SLC30A8: variants seen among roughly 807,000 people sequenced by gnomAD.
SLC30A8 encodes the protein proton-coupled zinc antiporter SLC30A8.
A neutral mutation model predicts 36.9 loss-of-function variants in SLC30A8; 27 were observed. The ratio of observed to expected loss-of-function variants is 0.73; its 90% confidence interval spans 0.54 to 1.01. The LOEUF (loss-of-function observed/expected upper bound fraction) is 1.01, where lower values mean the gene tolerates loss of function less well. SLC30A8 is among the 50% of genes least tolerant of loss of function. The pLI is 0.00. For missense variants in SLC30A8, 439 were observed against 452.0 expected (o/e 0.97, Z 0.26); for synonymous variants, 164 against 172.4 (o/e 0.95, Z 0.38).
At chr8:116,995,601 C>G (rs987465562) in intron 1 of SLC30A8, among the ~76,000 whole-genome samples, 2 of 151,980 alleles carry the variant, frequency 1.3e-5, no homozygotes, top group African/African-American at 4.8e-5. Context: ...ACTATGTGAA[C>G]AGAGCCCAAA....
rs1821296207 is a variant in SLC30A8, at chr8:117,135,059, C to G, written c.-269C>G. ...AATCAGATATCATATGAAAGACATA[C>G]ACACTTCATGTAATGCTACCTGCAA... On this transcript the variant is annotated 5_prime_UTR_variant, in exon 1 of 8. Coordinates refer to ENST00000456015, the MANE Select transcript of SLC30A8 (RefSeq NM_173851.3). 1 of 306,428 alleles carries G rather than the reference C, an allele frequency of 3.3e-6. No individual in the cohort carries two copies. The highest frequency in any genetic ancestry group is 5.0e-5 in the Admixed American group (1 of 20,176). The allele number at this position is 306,428 out of a possible 1,614,324, so 19.0% of individuals were successfully genotyped here.
At chr8:116,992,167 TAAC>T (rs1209974163) in intron 1 of SLC30A8, among the ~76,000 whole-genome samples, 1 of 152,106 alleles carries the variant, frequency 6.6e-6, no homozygotes, top group Non-Finnish European at 1.5e-5. Context: ...GGTTCAAAAA[TAAC>T]AAGGTGACAA....
chr8:117,169,066 T>G (rs1437369296), intron 6 of SLC30A8, among the ~76,000 whole-genome samples: 1 of 152,118 alleles, frequency 6.6e-6, no homozygotes. Context: ...TTATGACAAT[T>G]TTACCCATGA....
intron 1 of SLC30A8, among the ~76,000 whole-genome samples, chr8:117,036,738 C>T (rs766810444): frequency 1.6e-4 from 25 of 152,136 alleles, no homozygotes; most frequent in African/African-American, 3.6e-4. Flanking sequence ...CACCTCCCAC[C>T]GGGTCCCTCT....
At chr8:117,143,704 A>ACACAC (rs1349442131) in intron 1 of SLC30A8, among the ~76,000 whole-genome samples, 1 of 148,562 alleles carries the variant, frequency 6.7e-6, no homozygotes, top group Non-Finnish European at 1.5e-5. Context: ...ACACTCACAC[A>ACACAC]TGAACACATC....
intron 1 of SLC30A8, among the ~76,000 whole-genome samples, chr8:116,960,946 A>G (rs565988998): frequency 2.2e-3 from 338 of 152,220 alleles, no homozygotes; most frequent in Non-Finnish European, 2.4e-3. Flanking sequence ...CTCCTATTTT[A>G]AGCAATGAGT....
intron 1 of SLC30A8, among the ~76,000 whole-genome samples, chr8:117,031,430 CTTCTTCTTCTTCTTTCTTCT>C (rs1446805296): frequency 2.6e-5 from 4 of 151,004 alleles, no homozygotes; most frequent in Admixed American, 1.3e-4. Flanking sequence ...GTCTTGAATT[CTTCTTCTTCTTCTTTCTTCT>C]TTCTTCTTCT....
chr8:117,044,776 C>T (rs533467686), intron 2 of SLC30A8, among the ~76,000 whole-genome samples: 33 of 152,290 alleles, frequency 2.2e-4, no homozygotes, highest in African/African-American at 6.7e-4. Context: ...GAGACAAAAG[C>T]TGTAACACAA....
chr8:117,170,117 T>C (rs1301134033), intron 6 of SLC30A8, among the ~76,000 whole-genome samples: 1 of 152,172 alleles, frequency 6.6e-6, no homozygotes, highest in African/African-American at 2.4e-5. Flanking sequence ...GCATTGATGT[T>C]GGGCCTTATC....
chr8:117,015,548 CA>C (rs397891282), intron 1 of SLC30A8, among the ~76,000 whole-genome samples: 4 of 139,040 alleles, frequency 2.9e-5, no homozygotes, highest in African/African-American at 5.5e-5. Flanking sequence ...CCCCCCCCCC[CA>C]AAAAAAAGAG....
In SLC30A8 at chr8:117,176,068, T is replaced by A. The variant is rs1823667258; in HGVS notation, c.*3387T>A. 1 of 152,080 alleles carries A rather than the reference T, an allele frequency of 6.6e-6. No individual in the cohort carries two copies. The highest frequency in any genetic ancestry group is 2.4e-5 in the African/African-American group (1 of 41,426). The allele number at this position is 152,080 out of a possible 1,614,324, so 9.4% of individuals were successfully genotyped here. ...ACCCCATTCCTGTGAAATATCAAGT[T>A]CTTGGCTTTTCTCTGTCATGTAGCC... On this transcript the variant is annotated 3_prime_UTR_variant, in exon 8 of 8. Coordinates refer to ENST00000456015, the MANE Select transcript of SLC30A8 (RefSeq NM_173851.3).
chr8:117,161,135 C>A (rs1163421599), intron 4 of SLC30A8, among the ~76,000 whole-genome samples: 1 of 152,120 alleles, frequency 6.6e-6, no homozygotes, highest in African/African-American at 2.4e-5. Context: ...GATCATTTTT[C>A]ATACATTAAT....
chr8:117,042,839 C>T (rs1817428430), intron 2 of SLC30A8, among the ~76,000 whole-genome samples: 1 of 152,168 alleles, frequency 6.6e-6, no homozygotes, highest in Admixed American at 6.5e-5. Flanking sequence ...CCACAACCGG[C>T]TAATTTTTGT....
intron 1 of SLC30A8, among the ~76,000 whole-genome samples, chr8:117,138,644 A>G (rs577569655): frequency 5.3e-5 from 8 of 152,026 alleles, no homozygotes; most frequent in Non-Finnish European, 1.0e-4. Context: ...GCCTCCTCTC[A>G]TAGGGTATAA....
intron 2 of SLC30A8, among the ~76,000 whole-genome samples, chr8:117,102,872 G>T (rs2130861382): frequency 6.6e-6 from 1 of 152,216 alleles, no homozygotes; most frequent in Admixed American, 6.5e-5. Context: ...ATAGGAAACA[G>T]TTCCAGATTC....
chr8:117,169,088 T>C (rs1305912512), intron 6 of SLC30A8, among the ~76,000 whole-genome samples: 1 of 151,542 alleles, frequency 6.6e-6, no homozygotes, highest in South Asian at 2.1e-4. Flanking sequence ...TTTATTCACA[T>C]TGTATGGCTA....
chr8:116,955,508 T>TC (rs1341381928), intron 1 of SLC30A8, among the ~76,000 whole-genome samples: 1 of 151,922 alleles, frequency 6.6e-6, no homozygotes, highest in Non-Finnish European at 1.5e-5. Context: ...GGTGGGTGGA[T>TC]CACTTGAGGC....
chr8:117,097,624 TATTATATATAATATATAATTTTAAATAA>T (rs1819464331), intron 2 of SLC30A8, among the ~76,000 whole-genome samples: 1 of 98,046 alleles, frequency 1.0e-5, no homozygotes, highest in African/African-American at 4.4e-5. Flanking sequence ...AAATAATATA[TATTATATATAATATATAATTTTAAATAA>T]TATATATAAT....
At chr8:117,038,210 T>C (rs780117685) in intron 1 of SLC30A8, among the ~76,000 whole-genome samples, 37 of 152,198 alleles carry the variant, frequency 2.4e-4, no homozygotes, top group Non-Finnish European at 3.7e-4. Flanking sequence ...CATGATAAGT[T>C]AAGCCTCTCT....
Sources: gnomAD v4.1 joint callset for allele counts (sites outside exome capture counted in the v4.1 genomes callset) on GRCh38, gnomAD v4.1.1 for gene constraint, MANE v1.5 for transcripts, NCBI Gene and HGNC (gene_info 2026-07-23, HGNC 2026-07-21) for gene names.